Variants in RPS21 observed in about 807,000 individuals in gnomAD.
The protein encoded by RPS21 is small ribosomal subunit protein eS21.
Under a neutral mutation model 14.5 loss-of-function variants are expected in RPS21, and 6 were observed. That is an observed-to-expected ratio of 0.41 (90% CI 0.23 to 0.82). The LOEUF is 0.82. Ranked by LOEUF, RPS21 falls within the 40% of genes least tolerant of loss-of-function variation. The probability of loss-of-function intolerance (pLI) is 0.31; values close to 1 mark genes in which losing one functional copy is unlikely to be tolerated. For missense variants in RPS21, 85 were observed against 115.0 expected (o/e 0.74, Z 1.19); for synonymous variants, 61 against 42.6 (o/e 1.43, Z -1.69).
chr20:62,387,632 C>T lies in RPS21; in HGVS notation c.72C>T (p.Ile24=), dbSNP rs1987785127. 4 of 1,613,428 alleles carry T rather than the reference C, an allele frequency of 2.5e-6. No homozygotes were observed. The highest frequency in any genetic ancestry group is 1.7e-5 in the Admixed American group (1 of 59,996). Residue 24 remains isoleucine (I), a synonymous_variant, in exon 3 of 6, where the codon ATC becomes ATT. Coordinates refer to ENST00000343986, the MANE Select transcript of RPS21 (RefSeq NM_001024.4). ...ACAGCTCCGCTAGCAATCGCATCAT[C>T]GGTGCCAAGGACCACGCATCCATCC... The part of the protein sequence containing the change: ...PRKCSASNRI[I]GAKDHASIQM...
At position 62,387,889 on chromosome 20, in the gene RPS21, C is replaced by G; in HGVS notation, c.161C>G (p.Ala54Gly). The stretch of plus-strand genomic sequence containing the variant: ...TTTAATGGCCAGTTTAAAACTTATG[C>G]TATCTGCGGGGCCATTCGTAGGATG... ...GRFNGQFKTY[A>G]ICGAIRRMGE... The change falls in exon 4 of 6, where the codon GCT becomes GGT. Residue 54 changes from alanine (A) to glycine (G), a missense_variant. Ala to Gly is a moderately conservative substitution (Grantham distance 60). Coordinates refer to ENST00000343986, the MANE Select transcript of RPS21 (RefSeq NM_001024.4). The G allele has an allele frequency of 6.2e-7, 1 of 1,614,192 alleles. No homozygotes were observed. The highest frequency in any genetic ancestry group is 8.5e-7 in the Non-Finnish European group (1 of 1,180,046).
chr20:62,388,367 A>C lies in RPS21; in HGVS notation c.242+3A>C. Reference sequence around the variant, plus strand: ...AAGGCCGATGGCATCGTCTCAAAGTAAGGTTGGGGGCTCACATTTGGGCAG... The same window carrying C: ...AAGGCCGATGGCATCGTCTCAAAGTCAGGTTGGGGGCTCACATTTGGGCAG... On this transcript the variant is annotated splice_donor_region_variant and intron_variant, in intron 5 of 5. Coordinates refer to ENST00000343986, the MANE Select transcript of RPS21 (RefSeq NM_001024.4). 1 of 1,606,350 alleles carries C rather than the reference A, an allele frequency of 6.2e-7. No individual in the cohort carries two copies. The highest frequency in any genetic ancestry group is 8.5e-7 in the Non-Finnish European group (1 of 1,177,970).
chr20:62,387,755 G>A (rs1189962652), intron 3 of RPS21, 81 bp downstream of exon 3: 1 of 1,613,900 alleles, frequency 6.2e-7, no homozygotes, highest in East Asian at 2.2e-5. Flanking sequence ...AGGAGCCCCT[G>A]GGGTGAAGGT....
rs550241954 is a variant in RPS21, at chr20:62,387,122, G to C, written c.-33G>C. ...CTGCTTCCTTTCTCTCTCGCGCGCG[G>C]TGTGGTGGCAGCAGGTGTGGCGCGC... On this transcript the variant is annotated 5_prime_UTR_variant, in exon 1 of 6. Coordinates refer to ENST00000343986, the MANE Select transcript of RPS21 (RefSeq NM_001024.4). 2.1e-6 allele frequency: 1 copy of C among 478,238 alleles called. No individual in the cohort carries two copies. Among genetic ancestry groups the C allele is most frequent in the African/African-American group, 2.1e-5 (1 of 48,716 alleles). 29.6% of individuals were successfully genotyped at this position (478,238 alleles called of 1,614,324 possible).
intron 1 of RPS21, 74 bp from the exon 2 acceptor site, chr20:62,387,247 C>CT (rs1569011852): frequency 8.5e-7 from 1 of 1,183,172 alleles, no homozygotes; most frequent in Non-Finnish European, 1.2e-6. Flanking sequence ...GGCCGTGACC[C>CT]TAGGGGCCGG....
chr20:62,387,443 C>T lies in RPS21; in HGVS notation c.50+55C>T, dbSNP rs1022336961. 11 of 1,601,426 alleles carry T rather than the reference C, an allele frequency of 6.9e-6. No individual in the cohort carries two copies. The African/African-American group carries it at 8.0e-5, about 12-fold the overall frequency. On this transcript the variant is annotated intron_variant, in intron 2 of 5. Transcript: ENST00000343986. ...TCCTTACCTAACCACCACGTCCCCT[C>T]GCCTGCCCTTGTTCCCCCACACCCC...
intron 5 of RPS21, 37 bp from the exon 6 acceptor site, chr20:62,388,420 G>A (rs760905058): frequency 6.2e-7 from 1 of 1,613,796 alleles, no homozygotes; most frequent in African/African-American, 1.3e-5. Flanking sequence ...TGCTCCAGAG[G>A]CGTGGTCTTA....
rs552085789 is a variant in RPS21, at chr20:62,388,013, G to C, written c.186+99G>C. The C allele has an allele frequency of 1.5e-5, 24 of 1,607,616 alleles. No individual in the cohort carries two copies. In the East Asian group the frequency reaches 3.1e-4, roughly 21 times the overall value. Reference sequence around the variant, plus strand: ...TGGTGCCTGAGTAGATCTGCTGGCAGAGTAGTTTGAGCCAGCTGGACTGGG... The same window carrying C: ...TGGTGCCTGAGTAGATCTGCTGGCACAGTAGTTTGAGCCAGCTGGACTGGG... On this transcript the variant is annotated intron_variant, in intron 4 of 5. Coordinates refer to ENST00000343986, the MANE Select transcript of RPS21 (RefSeq NM_001024.4).
rs1004245899 is a variant in RPS21, at chr20:62,388,511, T to C, written c.*45T>C. ...TGGAATATTTGTCATAAATAAATAA[T>C]GAAAACCTACCTGTGCAGGTTCATT... On this transcript the variant is annotated 3_prime_UTR_variant, in exon 6 of 6. Coordinates refer to ENST00000343986, the MANE Select transcript of RPS21 (RefSeq NM_001024.4). 43 of 1,602,474 alleles carry C rather than the reference T, an allele frequency of 2.7e-5. No individual in the cohort carries two copies. The highest frequency in any genetic ancestry group is 3.2e-5 in the Non-Finnish European group (38 of 1,169,674).
chr20:62,388,090 C>T, intron 4 of RPS21, 176 bp downstream of exon 4: 2 of 1,537,318 alleles, frequency 1.3e-6, no homozygotes, highest in African/African-American at 1.4e-5. Flanking sequence ...TGAGAAGACA[C>T]TCAGGCAGCA....
At chr20:62,387,709 A>G (rs776195013) in intron 3 of RPS21, 35 bp downstream of exon 3, 2 of 1,614,020 alleles carry the variant, frequency 1.2e-6, no homozygotes, top group African/African-American at 2.7e-5. Flanking sequence ...GAAGGTTGTG[A>G]TATATGTGCG....
Position 62,387,439 on chromosome 20 carries a change from C to T in RPS21, c.50+51C>T, listed in dbSNP as rs372158094. The T allele has an allele frequency of 5.5e-4, 887 of 1,601,258 alleles. 8 individuals are homozygous for T. The African/African-American group carries it at 7.4e-3, about 13-fold the overall frequency. On this transcript the variant is annotated intron_variant, in intron 2 of 5. Transcript: ENST00000343986. ...TCCGTCCTTACCTAACCACCACGTC[C>T]CCTCGCCTGCCCTTGTTCCCCCACA... is the stretch of plus-strand genomic sequence containing the variant.
chr20:62,388,248 T>C lies in RPS21; in HGVS notation c.187-61T>C, dbSNP rs756709085. 51 of 1,544,004 alleles carry C rather than the reference T, an allele frequency of 3.3e-5. 1 individual carries two copies. The Middle Eastern group carries it at 5.8e-3, about 174-fold the overall frequency. On this transcript the variant is annotated intron_variant, in intron 4 of 5. Coordinates refer to ENST00000343986, the MANE Select transcript of RPS21 (RefSeq NM_001024.4). ...CGTGGGCTGGTGGCACAGCTGACCT[T>C]CTGCCATCTCAGGCAGCCGGAGTGG...
intron 2 of RPS21, 98 bp downstream of exon 2, chr20:62,387,486 C>T: frequency 6.3e-7 from 1 of 1,587,652 alleles, no homozygotes; most frequent in Non-Finnish European, 8.6e-7. Flanking sequence ...CTTACCTCGT[C>T]ACGTCCCTAA....
chr20:62,387,183 G>A (rs766844308), intron 1 of RPS21, 47 bp downstream of exon 1: 2 of 593,572 alleles, frequency 3.4e-6, no homozygotes, highest in Non-Finnish European at 5.7e-6. Context: ...GGGCTGGGGC[G>A]GGAGTGGGGG....
intron 4 of RPS21, 63 bp downstream of exon 4, chr20:62,387,977 G>A (rs1687951597): frequency 6.2e-7 from 1 of 1,614,110 alleles, no homozygotes; most frequent in Non-Finnish European, 8.5e-7. Flanking sequence ...CGTGCGCATT[G>A]GAGTGTGTGA....
Position 62,387,604 on chromosome 20 carries a change from T to C in RPS21, c.51-7T>C, listed in dbSNP as rs1332402222. On this transcript the variant is annotated splice_region_variant and splice_polypyrimidine_tract_variant and intron_variant, in intron 2 of 5. Transcript: ENST00000343986. The stretch of plus-strand genomic sequence containing the variant: ...TCCCCTCTGCTCACTGCGCCCTTTC[T>C]CCACAGCTCCGCTAGCAATCGCATC... The C allele has an allele frequency of 2.5e-6, 4 of 1,610,120 alleles. No individual in the cohort carries two copies. The highest frequency in any genetic ancestry group is 3.4e-6 in the Non-Finnish European group (4 of 1,177,276).
In RPS21 at chr20:62,387,839, C is replaced by A. The variant is rs200558032; in HGVS notation, c.115-4C>A. On this transcript the variant is annotated splice_region_variant and splice_polypyrimidine_tract_variant and intron_variant, in intron 3 of 5. Transcript: ENST00000343986. ...GTGGTTTGTGACCCTTCTTCTCTTT[C>A]TAGGTTGACAAGGTCACAGGCAGGT... The A allele has an allele frequency of 2.0e-5, 33 of 1,614,138 alleles. No individual in the cohort carries two copies. In the East Asian group the frequency reaches 7.1e-4, roughly 35 times the overall value.
chr20:62,388,042 G>C (rs1246456905), intron 4 of RPS21, 128 bp downstream of exon 4: 1 of 1,566,680 alleles, frequency 6.4e-7, no homozygotes, highest in East Asian at 2.4e-5. Context: ...GACTGGGCTG[G>C]CCGCCTGCCG....
Sources: gnomAD v4.1 joint callset for allele counts on GRCh38, gnomAD v4.1.1 for gene constraint, MANE v1.5 for transcripts, NCBI Gene and HGNC (gene_info 2026-07-23, HGNC 2026-07-21) for gene names.